Variants in UNC13C observed in about 807,000 individuals in gnomAD.
The protein encoded by UNC13C is unc-13 homolog C.
In UNC13C, 174 loss-of-function variants were observed where a neutral mutation model predicts 245.4. The observed-to-expected ratio is 0.71, with a 90% CI of 0.63 to 0.80. UNC13C has a LOEUF of 0.80. Among genes scored for constraint, UNC13C ranks in the 30% least tolerant of loss-of-function variants. The pLI, the probability that UNC13C is intolerant of heterozygous loss-of-function variation, is 0.00. For missense variants in UNC13C, 2,829 were observed against 2,602.9 expected, an observed-to-expected ratio of 1.09 and a Z score of -1.89; for synonymous variants, 992 against 895.1, an observed-to-expected ratio of 1.11 and a Z score of -1.93.
At chr15:54,375,382 A>G (rs919044776) in intron 17 of UNC13C, among the ~76,000 whole-genome samples, 3 of 152,232 alleles carry the variant, frequency 2.0e-5, no homozygotes, top group African/African-American at 7.2e-5. Flanking sequence ...AATAACCACC[A>G]GTGAGTAATG....
At chr15:53,990,746 GC>G (rs1256275766) in intron 1 of UNC13C, among the ~76,000 whole-genome samples, 1 of 151,938 alleles carries the variant, frequency 6.6e-6, no homozygotes, top group Non-Finnish European at 1.5e-5. Flanking sequence ...TTCCTCAGTG[GC>G]TTAACTGGGT....
At chr15:54,071,465 T>G (rs1346601307) in intron 2 of UNC13C, among the ~76,000 whole-genome samples, 1 of 152,182 alleles carries the variant, frequency 6.6e-6, no homozygotes, top group African/African-American at 2.4e-5. Context: ...ATATTTCTTC[T>G]GCAACCAACT....
chr15:54,343,365 T>A (rs1375674336), intron 17 of UNC13C, among the ~76,000 whole-genome samples: 2 of 152,098 alleles, frequency 1.3e-5, no homozygotes, highest in Non-Finnish European at 2.9e-5. Context: ...ACTCCTGACC[T>A]CAGGGGATCC....
the UNC13C span, among the ~76,000 whole-genome samples, chr15:53,902,687 G>A: frequency 0.28 from 41,883 of 151,966 alleles, 5,980 homozygotes; most frequent in South Asian, 0.38. Context: ...TTCATTGTCA[G>A]TACCAACAGA....
chr15:54,613,238 C>T lies in UNC13C; in HGVS notation c.6107-9089C>T, dbSNP rs537771783. 1.3e-4 allele frequency among the ~76,000 whole-genome samples: 19 copies of T among 151,762 alleles called. No homozygotes were observed. The East Asian group carries it at 3.5e-3, about 28-fold the overall frequency. The stretch of plus-strand genomic sequence containing the variant: ...TAAAACAGTATACATACAAATGTAG[C>T]AAAATATGTATAAAACCTCCAAAAG... On this transcript the variant is annotated intron_variant, in intron 30 of 32. Coordinates refer to ENST00000260323, the MANE Select transcript of UNC13C (RefSeq NM_001080534.3).
intron 17 of UNC13C, among the ~76,000 whole-genome samples, chr15:54,343,609 A>C (rs1475353678): frequency 6.6e-6 from 1 of 152,170 alleles, no homozygotes; most frequent in African/African-American, 2.4e-5. Context: ...TGCCTGAAGA[A>C]ATTCTCCCTC....
chr15:54,440,621 G>A (rs1053293311), intron 19 of UNC13C, among the ~76,000 whole-genome samples: 1 of 151,920 alleles, frequency 6.6e-6, no homozygotes. Context: ...AAAAGATGGG[G>A]CTGTAGATAT....
chr15:54,058,151 C>CA (rs902828212), intron 2 of UNC13C, among the ~76,000 whole-genome samples: 3 of 151,936 alleles, frequency 2.0e-5, no homozygotes, highest in East Asian at 1.9e-4. Context: ...AAAAACCCTT[C>CA]AAAAAATCAA....
chr15:53,894,080 C>T, the UNC13C span, among the ~76,000 whole-genome samples: 1 of 152,176 alleles, frequency 6.6e-6, no homozygotes, highest in Non-Finnish European at 1.5e-5. Flanking sequence ...CACGACTTCC[C>T]TTGGATAGGG....
chr15:54,060,906 G>C (rs1446457829), intron 2 of UNC13C, among the ~76,000 whole-genome samples: 6 of 151,864 alleles, frequency 4.0e-5, no homozygotes, highest in Non-Finnish European at 7.4e-5. Context: ...TCATAGGTGG[G>C]AATTGATCAA....
intron 4 of UNC13C, among the ~76,000 whole-genome samples, chr15:54,184,886 G>A (rs552956617): frequency 0.019 from 2,935 of 152,002 alleles, 84 homozygotes; most frequent in African/African-American, 0.068. Flanking sequence ...TCCCACCAAT[G>A]GTGTAAAAGT....
At chr15:54,427,304 A>G (rs1352972725) in intron 19 of UNC13C, among the ~76,000 whole-genome samples, 1 of 151,680 alleles carries the variant, frequency 6.6e-6, no homozygotes, top group African/African-American at 2.4e-5. Context: ...GTCTCACAAG[A>G]TCTGATGGGT....
At chr15:53,849,992 G>T in the UNC13C span, among the ~76,000 whole-genome samples, 3 of 152,142 alleles carry the variant, frequency 2.0e-5, no homozygotes, top group African/African-American at 7.2e-5. Context: ...TCTTTGTCTT[G>T]TCTGTAGATA....
At chr15:53,910,118 CT>C in the UNC13C span, among the ~76,000 whole-genome samples, 902 of 140,642 alleles carry the variant, frequency 6.4e-3, 35 homozygotes, top group African/African-American at 0.021. Context: ...GAATTAAAAA[CT>C]TTTTTTTTTC....
At chr15:53,886,162 G>C in the UNC13C span, among the ~76,000 whole-genome samples, 2 of 152,138 alleles carry the variant, frequency 1.3e-5, no homozygotes, top group African/African-American at 2.4e-5. Context: ...TATAAGAAAT[G>C]ACACCTTAGT....
chr15:53,857,015 C>G, the UNC13C span, among the ~76,000 whole-genome samples: 7 of 152,076 alleles, frequency 4.6e-5, no homozygotes, highest in Admixed American at 2.0e-4. Flanking sequence ...TTTAATTGAA[C>G]CCTTCACCCT....
chr15:54,423,196 A>G (rs537105360), intron 19 of UNC13C, among the ~76,000 whole-genome samples: 114 of 151,934 alleles, frequency 7.5e-4, no homozygotes, highest in African/African-American at 2.6e-3. Context: ...AATTGATGTT[A>G]TGACCCACTG....
intron 2 of UNC13C, among the ~76,000 whole-genome samples, chr15:54,059,387 C>T (rs186649065): frequency 3.3e-5 from 5 of 152,178 alleles, no homozygotes; most frequent in Non-Finnish European, 7.4e-5. Context: ...GAATAAAATA[C>T]CTAGGAATCC....
intron 19 of UNC13C, chr15:54,416,948 C>G (rs140456546): frequency 2.2e-6 from 1 of 456,548 alleles, no homozygotes; most frequent in East Asian, 7.0e-5. Context: ...GATTTTTCTT[C>G]CCACCAATCT....
Sources: gnomAD v4.1 joint callset for allele counts (sites outside exome capture counted in the v4.1 genomes callset) on GRCh38, gnomAD v4.1.1 for gene constraint, MANE v1.5 for transcripts, NCBI Gene and HGNC (gene_info 2026-07-23, HGNC 2026-07-21) for gene names.